CNTLN: variants seen among roughly 807,000 people sequenced by gnomAD.
The protein encoded by CNTLN is centlein.
Under a neutral mutation model 180.0 loss-of-function variants are expected in CNTLN, and 212 were observed. That is an observed-to-expected ratio of 1.18 (90% confidence interval 1.05 to 1.32). CNTLN has a LOEUF of 1.32. Among genes scored for constraint, CNTLN ranks in the 40% most tolerant of loss-of-function variants. CNTLN has a pLI of 0.00. For synonymous variants in CNTLN, 722 were observed against 563.1 expected, an observed-to-expected ratio of 1.28 and a Z score of -3.99; for missense variants, 2,095 against 1,610.9, an observed-to-expected ratio of 1.30 and a Z score of -5.14.
At chr9:17,293,828 C>G (rs1331213790) in intron 6 of CNTLN, among the ~76,000 whole-genome samples, 1 of 152,132 alleles carries the variant, frequency 6.6e-6, no homozygotes, top group Non-Finnish European at 1.5e-5. Context: ...AGAATCTGGA[C>G]AGCTCTGCAC....
In CNTLN at chr9:17,466,805, T is replaced by C. The variant is rs769570553; in HGVS notation, c.3769T>C (p.Leu1257=). 6 of 1,611,136 alleles carry C rather than the reference T, an allele frequency of 3.7e-6. No homozygotes were observed. In the African/African-American group the frequency reaches 4.0e-5, roughly 11 times the overall value. Residue 1257 remains leucine (L), a synonymous_variant, in exon 23 of 26, where the codon TTG becomes CTG. Coordinates refer to ENST00000380647, the MANE Select transcript of CNTLN (RefSeq NM_017738.4). ...ATCTAAGCAGCTTCAAGAATTAGCA[T>C]TGCAAAGTGAACAGGTCCTAGAAGG... is the stretch of plus-strand genomic sequence containing the variant. ...AASKQLQELA[L]QSEQVLEGAQ... is the part of the protein sequence containing the mutation.
At chr9:17,239,060 C>G (rs1013298816) in intron 5 of CNTLN, among the ~76,000 whole-genome samples, 9 of 152,192 alleles carry the variant, frequency 5.9e-5, no homozygotes, top group African/African-American at 2.2e-4. Flanking sequence ...TTGTTTGAGA[C>G]AGAGTCTTGC....
chr9:17,293,063 C>T (rs1025450494), intron 6 of CNTLN, among the ~76,000 whole-genome samples: 3 of 152,162 alleles, frequency 2.0e-5, no homozygotes, highest in Admixed American at 2.0e-4. Flanking sequence ...CACTCCAGAC[C>T]CTATTCACTT....
intron 21 of CNTLN, among the ~76,000 whole-genome samples, chr9:17,465,368 A>T (rs10756882): frequency 0.77 from 115,109 of 150,428 alleles, 46,747 homozygotes; most frequent in Non-Finnish European, 0.88. Context: ...CACTTCCTAT[A>T]GGCTTTTTCA....
intron 2 of CNTLN, among the ~76,000 whole-genome samples, chr9:17,150,552 G>T (rs570879811): frequency 1.2e-4 from 19 of 152,318 alleles, no homozygotes; most frequent in Non-Finnish European, 2.6e-4. Flanking sequence ...GGTTACTGTA[G>T]CCTTGAAGTG....
In CNTLN at chr9:17,303,781, ATTAT is replaced by A. The variant is rs372303031; in HGVS notation, c.1147-5271_1147-5268del. ...AATAATCTTGCAATAATGAGATGAAATTATTTATTCAAAATTTCAAACATTTTCA... is the reference window on the plus strand; with the variant it reads ...AATAATCTTGCAATAATGAGATGAAATTATTCAAAATTTCAAACATTTTCA... On this transcript the variant is annotated intron_variant, in intron 7 of 25. Coordinates refer to ENST00000380647, the MANE Select transcript of CNTLN (RefSeq NM_017738.4). 6.6e-3 allele frequency among the ~76,000 whole-genome samples: 1,008 copies of A among 152,246 alleles called. 16 individuals carry two copies. The highest frequency in any genetic ancestry group is 0.022 in the African/African-American group (894 of 41,558).
intron 8 of CNTLN, among the ~76,000 whole-genome samples, chr9:17,327,188 A>T (rs1014686503): frequency 4.0e-5 from 6 of 151,578 alleles, no homozygotes; most frequent in African/African-American, 1.5e-4. Flanking sequence ...AAAGTATGTT[A>T]AATGACAAAA....
intron 20 of CNTLN, among the ~76,000 whole-genome samples, chr9:17,464,041 AATTAT>A (rs1190849533): frequency 1.3e-5 from 2 of 151,412 alleles, no homozygotes; most frequent in Non-Finnish European, 3.0e-5. Flanking sequence ...TTGAATCTCA[AATTAT>A]ATTAAATTAG....
intron 2 of CNTLN, among the ~76,000 whole-genome samples, chr9:17,180,235 T>C (rs1821036066): frequency 6.7e-6 from 1 of 149,628 alleles, no homozygotes; most frequent in South Asian, 2.1e-4. Flanking sequence ...TGTTTTTTTT[T>C]TTTTCCTGCC....
At chr9:17,495,030 C>A (rs1833377257) in intron 25 of CNTLN, 1 of 399,938 alleles carries the variant, frequency 2.5e-6, no homozygotes, top group Non-Finnish European at 4.9e-6. Context: ...AGGTGCGTGC[C>A]ACCATGCCCA....
intron 16 of CNTLN, among the ~76,000 whole-genome samples, chr9:17,410,297 T>C (rs1298567927): frequency 6.6e-6 from 1 of 152,194 alleles, no homozygotes; most frequent in Middle Eastern, 3.2e-3. Flanking sequence ...TGATTACTAA[T>C]ACAATGTTGA....
At position 17,388,193 on chromosome 9, in the gene CNTLN, G is replaced by C. The variant is rs1587853744; in HGVS notation, c.2019G>C (p.Glu673Asp). The C allele has an allele frequency of 6.2e-7, 1 of 1,612,050 alleles. No individual in the cohort carries two copies. Among genetic ancestry groups the C allele is most frequent in the East Asian group, 2.2e-5 (1 of 44,742 alleles). ...EQLFRSGEDD[E>D]VKRSTPEKNG... ...TCTTTAGATCTGGTGAAGATGATGA[G>C]GTCAAGAGGAGTACTCCAGAGAAGA... The change falls in exon 14 of 26, where the codon GAG becomes GAC. Residue 673 changes from glutamate to aspartate, a missense_variant. Transcript: ENST00000380647.
intron 12 of CNTLN, among the ~76,000 whole-genome samples, chr9:17,349,593 C>T (rs974559488): frequency 5.3e-5 from 8 of 152,044 alleles, no homozygotes; most frequent in Non-Finnish European, 1.0e-4. Context: ...AGAGTTTCTA[C>T]CATTGAGTAT....
chr9:17,439,032 G>T (rs1829952478), intron 18 of CNTLN, among the ~76,000 whole-genome samples: 1 of 152,092 alleles, frequency 6.6e-6, no homozygotes, highest in Admixed American at 6.6e-5. Flanking sequence ...TCAGTTCATG[G>T]GAGGAATTGA....
intron 6 of CNTLN, among the ~76,000 whole-genome samples, chr9:17,294,582 C>G (rs561455318): frequency 8.7e-4 from 131 of 150,176 alleles, no homozygotes; most frequent in Non-Finnish European, 5.6e-4. Flanking sequence ...AAAGGTTCTC[C>G]AAGTCCCCAC....
intron 18 of CNTLN, among the ~76,000 whole-genome samples, chr9:17,416,454 T>A (rs1211052470): frequency 6.6e-6 from 1 of 152,222 alleles, no homozygotes; most frequent in Non-Finnish European, 1.5e-5. Context: ...TTTCTCATCT[T>A]TGAAATATTT....
chr9:17,463,285 A>G (rs1831554865), intron 20 of CNTLN, among the ~76,000 whole-genome samples: 1 of 151,622 alleles, frequency 6.6e-6, no homozygotes, highest in Admixed American at 6.6e-5. Flanking sequence ...CGAGACAATG[A>G]ATGAAAAACT....
intron 2 of CNTLN, among the ~76,000 whole-genome samples, chr9:17,150,086 C>G (rs2131499620): frequency 6.6e-6 from 1 of 152,218 alleles, no homozygotes; most frequent in East Asian, 1.9e-4. Context: ...AAAATTTTCT[C>G]CCATTCTATA....
intron 18 of CNTLN, among the ~76,000 whole-genome samples, chr9:17,426,762 A>G (rs1036993520): frequency 2.0e-5 from 3 of 152,098 alleles, no homozygotes; most frequent in Non-Finnish European, 1.5e-5. Flanking sequence ...ATGTTTCTAC[A>G]TGTGTGTACA....
Sources: gnomAD v4.1 joint callset for allele counts (sites outside exome capture counted in the v4.1 genomes callset) on GRCh38, gnomAD v4.1.1 for gene constraint, MANE v1.5 for transcripts, NCBI Gene and HGNC (gene_info 2026-07-23, HGNC 2026-07-21) for gene names.